TDRP: variants seen among roughly 807,000 people sequenced by gnomAD.
The protein encoded by TDRP is testis development-related protein.
In TDRP, 12 loss-of-function variants were observed where a neutral mutation model predicts 10.5. That is an observed-to-expected ratio of 1.15 (90% CI 0.73 to 1.86). The LOEUF is 1.86. TDRP is among the 40% of genes most tolerant of loss of function. TDRP has a pLI of 0.00. For missense variants in TDRP, 353 were observed against 229.2 expected (o/e 1.54, Z -3.49); for synonymous variants, 139 against 95.4 (o/e 1.46, Z -2.67).
At chr8:507,351 C>T (rs1168985862) in intron 1 of TDRP, among the ~76,000 whole-genome samples, 1 of 152,098 alleles carries the variant, frequency 6.6e-6, no homozygotes, top group African/African-American at 2.4e-5. Context: ...CAGGGAAGAA[C>T]TAGGGAATAA....
intron 1 of TDRP, among the ~76,000 whole-genome samples, chr8:540,613 T>C (rs1802467302): frequency 6.6e-6 from 1 of 152,190 alleles, no homozygotes; most frequent in Middle Eastern, 3.2e-3. Flanking sequence ...CTTGCGGTTA[T>C]ATGTTAATAC....
intron 1 of TDRP, among the ~76,000 whole-genome samples, chr8:495,652 T>C (rs1299282635): frequency 1.3e-5 from 2 of 152,090 alleles, no homozygotes; most frequent in African/African-American, 4.8e-5. Context: ...TCTCACGGGG[T>C]AGAGCCAGCT....
At chr8:510,894 G>C (rs1801598415) in intron 1 of TDRP, among the ~76,000 whole-genome samples, 1 of 152,114 alleles carries the variant, frequency 6.6e-6, no homozygotes, top group Non-Finnish European at 1.5e-5. Context: ...GCATAGAATA[G>C]GCATATACTA....
At chr8:545,415 C>G (rs566938441), upstream of TDRP, among the ~76,000 whole-genome samples, 2 of 149,002 alleles carry the variant, frequency 1.3e-5, no homozygotes, top group South Asian at 2.2e-4. Context: ...TCCTTCTCCC[C>G]CGCCGACCCC....
Position 494,523 on chromosome 8 carries a change from C to T in TDRP, c.183G>A (p.Leu61=). The T allele has an allele frequency of 1.2e-6, 2 of 1,613,932 alleles. No homozygotes were observed. The highest frequency in any genetic ancestry group is 1.7e-6 in the Non-Finnish European group (2 of 1,179,870). ...TGGACTTGGGAGATTTACATCTTTCCAGGAGATGCTGCTCATCATCTTTGT... is the reference window on the plus strand; with the variant it reads ...TGGACTTGGGAGATTTACATCTTTCTAGGAGATGCTGCTCATCATCTTTGT... ...LFNKDDEQHL[L]ERCKSPKSKG... The change falls in exon 2 of 3, where the codon CTG becomes CTA. Residue 61 remains leucine, a synonymous_variant. Transcript: ENST00000324079.
At chr8:539,209 G>C (rs1430962680) in intron 1 of TDRP, among the ~76,000 whole-genome samples, 1 of 152,150 alleles carries the variant, frequency 6.6e-6, no homozygotes, top group Admixed American at 6.5e-5. Context: ...GAGGTGATCA[G>C]GGTGAGATGG....
At chr8:526,477 G>A (rs775925410) in intron 1 of TDRP, among the ~76,000 whole-genome samples, 5 of 152,040 alleles carry the variant, frequency 3.3e-5, no homozygotes, top group African/African-American at 1.2e-4. Flanking sequence ...TTATCATATG[G>A]GTTTTGTCCT....
At chr8:537,575 G>T (rs1802378331) in intron 1 of TDRP, among the ~76,000 whole-genome samples, 1 of 152,186 alleles carries the variant, frequency 6.6e-6, no homozygotes, top group South Asian at 2.1e-4. Flanking sequence ...AGGACAGCCT[G>T]GTTTGCACAC....
intron 1 of TDRP, among the ~76,000 whole-genome samples, chr8:517,030 G>C (rs143684095): frequency 6.6e-6 from 1 of 152,264 alleles, no homozygotes; most frequent in African/African-American, 2.4e-5. Context: ...CTCTGCTCTT[G>C]GAGGAACCAG....
chr8:496,930 G>T (rs1801153168), intron 1 of TDRP, among the ~76,000 whole-genome samples: 1 of 152,182 alleles, frequency 6.6e-6, no homozygotes, highest in Non-Finnish European at 1.5e-5. Flanking sequence ...CACATAAGAT[G>T]TGCCTTGCTT....
rs150415595 is a variant in TDRP, at chr8:542,962, G to A, written c.108+1688C>T. Among the ~76,000 whole-genome samples, 275 of 151,366 alleles carry A rather than the reference G, an allele frequency of 1.8e-3. 1 individual carries two copies. Among genetic ancestry groups the A allele is most frequent in the African/African-American group, 6.3e-3 (261 of 41,204 alleles). ...GCAATTGAATCTAGCTGGAGGATAC[G>A]AGGAAGAATCTCCTATTCTTCTACT... is the stretch of plus-strand genomic sequence containing the variant. On this transcript the variant is annotated intron_variant, in intron 1 of 2. Transcript: ENST00000324079.
At chr8:545,201 G>A (rs1261263496), upstream of TDRP, among the ~76,000 whole-genome samples, 3 of 127,078 alleles carry the variant, frequency 2.4e-5, no homozygotes, top group Non-Finnish European at 3.2e-5. Context: ...TCTACTGAAC[G>A]ACGTCCTCAC....
intron 1 of TDRP, among the ~76,000 whole-genome samples, chr8:542,543 C>A (rs982032900): frequency 1.3e-5 from 2 of 152,056 alleles, no homozygotes; most frequent in Admixed American, 1.3e-4. Flanking sequence ...AAAGTTTTTT[C>A]CCCCCAAAAC....
intron 1 of TDRP, among the ~76,000 whole-genome samples, chr8:536,781 G>T (rs1470040448): frequency 6.6e-6 from 1 of 152,116 alleles, no homozygotes; most frequent in Non-Finnish European, 1.5e-5. Context: ...TCCACAGGCA[G>T]GAGCTCCCCA....
At chr8:515,363 C>A (rs1801730032) in intron 1 of TDRP, among the ~76,000 whole-genome samples, 1 of 152,166 alleles carries the variant, frequency 6.6e-6, no homozygotes. Flanking sequence ...TATATTAGCA[C>A]ACTGAAAGTA....
chr8:544,156 C>A, intron 1 of TDRP, among the ~76,000 whole-genome samples: 1 of 152,296 alleles, frequency 6.6e-6, no homozygotes, highest in Non-Finnish European at 1.5e-5. Flanking sequence ...CATTGAGCTA[C>A]GGTCGTCCAA....
chr8:493,683 G>A (rs1801044304), intron 2 of TDRP, among the ~76,000 whole-genome samples: 1 of 152,210 alleles, frequency 6.6e-6, no homozygotes, highest in Non-Finnish European at 1.5e-5. Flanking sequence ...TGATAAAGTA[G>A]CAAGGTCAGT....
At position 491,394 on chromosome 8, in the gene TDRP, G is replaced by A. The variant is rs191489067; in HGVS notation, c.*1005C>T. 37 of 428,446 alleles carry A rather than the reference G, an allele frequency of 8.6e-5. No homozygotes were observed. In the Admixed American group the frequency reaches 1.5e-3, roughly 18 times the overall value. The allele number at this position is 428,446 out of a possible 1,614,324, so 26.5% of individuals were successfully genotyped here. A position where few individuals can be genotyped will look rare whatever the true frequency, so the allele number is the denominator to read the frequency against. On this transcript the variant is annotated 3_prime_UTR_variant, in exon 3 of 3. Coordinates refer to ENST00000324079, the MANE Select transcript of TDRP (RefSeq NM_001384899.1). The stretch of plus-strand genomic sequence containing the variant: ...ACGCATAACTGGCACCTGATACTGT[G>A]CAGGATCACATTGTCAAGGACAGTA...
intron 1 of TDRP, among the ~76,000 whole-genome samples, chr8:537,502 A>G (rs1296636681): frequency 2.6e-5 from 4 of 152,160 alleles, no homozygotes; most frequent in African/African-American, 9.7e-5. Context: ...CCAGAGAAAA[A>G]TATTAAGGGC....
Sources: gnomAD v4.1 joint callset for allele counts (sites outside exome capture counted in the v4.1 genomes callset) on GRCh38, gnomAD v4.1.1 for gene constraint, MANE v1.5 for transcripts, NCBI Gene and HGNC (gene_info 2026-07-23, HGNC 2026-07-21) for gene names.